Variants in TMPRSS15 observed in about 807,000 individuals in gnomAD.
The protein encoded by TMPRSS15 is enteropeptidase.
In TMPRSS15, 128 loss-of-function variants were observed where a neutral mutation model predicts 125.3. The ratio of observed to expected loss-of-function variants is 1.02; its 90% CI spans 0.89 to 1.18. The LOEUF (loss-of-function observed/expected upper bound fraction) is 1.18. TMPRSS15 is among the 50% of genes most tolerant of loss of function. The probability of loss-of-function intolerance (pLI) is 0.00; values close to 1 mark genes in which losing one functional copy is unlikely to be tolerated. For synonymous variants in TMPRSS15, 446 were observed against 423.2 expected, an observed-to-expected ratio of 1.05 and a Z score of -0.66; for missense variants, 1,283 against 1,212.7, an observed-to-expected ratio of 1.06 and a Z score of -0.86.
At chr21:18,313,444 TAAC>T (rs981707659) in intron 17 of TMPRSS15, among the ~76,000 whole-genome samples, 45 of 150,996 alleles carry the variant, frequency 3.0e-4, no homozygotes, top group Admixed American at 3.0e-3. Flanking sequence ...TTATATATAA[TAAC>T]ATCACATTGT....
intron 1 of TMPRSS15, among the ~76,000 whole-genome samples, chr21:18,435,856 T>A (rs2076226627): frequency 6.6e-6 from 1 of 152,198 alleles, no homozygotes; most frequent in Admixed American, 6.5e-5. Context: ...TGGTTTAGTC[T>A]TGGGAGAGTG....
intron 23 of TMPRSS15, among the ~76,000 whole-genome samples, chr21:18,276,755 CTTTTTTTTTT>C (rs372920414): frequency 8.2e-5 from 10 of 121,362 alleles, no homozygotes; most frequent in Non-Finnish European, 1.6e-4. Context: ...AACTGGGATT[CTTTTTTTTTT>C]TTTTTTTTTT....
chr21:18,455,813 G>C (rs1373022595), intron 1 of TMPRSS15, among the ~76,000 whole-genome samples: 2 of 152,146 alleles, frequency 1.3e-5, no homozygotes, highest in African/African-American at 4.8e-5. Flanking sequence ...GGGATAAAAA[G>C]TAATTGTAAC....
intron 16 of TMPRSS15, among the ~76,000 whole-genome samples, chr21:18,325,349 G>A (rs560591155): frequency 6.6e-6 from 1 of 152,112 alleles, no homozygotes; most frequent in African/African-American, 2.4e-5. Context: ...TTCTACCTAA[G>A]TAGCATGCAT....
intron 10 of TMPRSS15, among the ~76,000 whole-genome samples, chr21:18,345,512 C>A (rs566587617): frequency 2.0e-5 from 3 of 151,416 alleles, no homozygotes; most frequent in East Asian, 1.9e-4. Flanking sequence ...GAGGCCGAGG[C>A]GGGCGGATCA....
At chr21:18,440,145 C>T (rs957081640) in intron 1 of TMPRSS15, among the ~76,000 whole-genome samples, 18 of 151,728 alleles carry the variant, frequency 1.2e-4, no homozygotes, top group African/African-American at 4.1e-4. Flanking sequence ...GAGGCCGAGA[C>T]GGGCGGATCA....
intron 3 of TMPRSS15, among the ~76,000 whole-genome samples, chr21:18,384,319 T>C (rs1386678057): frequency 1.3e-5 from 2 of 152,274 alleles, no homozygotes; most frequent in Non-Finnish European, 2.9e-5. Context: ...TATCAAAATA[T>C]GCCCTGATTT....
chr21:18,335,970 T>G (rs969372933), intron 13 of TMPRSS15, among the ~76,000 whole-genome samples: 5 of 151,104 alleles, frequency 3.3e-5, no homozygotes, highest in Non-Finnish European at 5.9e-5. Context: ...AGCTGTTCTC[T>G]CAAACACTTG....
intron 13 of TMPRSS15, among the ~76,000 whole-genome samples, chr21:18,339,351 C>T (rs1408751749): frequency 6.6e-6 from 1 of 152,148 alleles, no homozygotes; most frequent in Admixed American, 6.5e-5. Context: ...AATGGTAGCT[C>T]ATTTGTTACA....
chr21:18,289,427 G>A (rs1028767064), intron 21 of TMPRSS15, among the ~76,000 whole-genome samples: 14 of 152,142 alleles, frequency 9.2e-5, no homozygotes, highest in African/African-American at 2.4e-4. Flanking sequence ...CAGGAAAATC[G>A]CTTGAACCCG....
At chr21:18,333,718 T>C (rs2075366142) in intron 13 of TMPRSS15, among the ~76,000 whole-genome samples, 1 of 152,076 alleles carries the variant, frequency 6.6e-6, no homozygotes, top group Non-Finnish European at 1.5e-5. Context: ...CGGGTAATGA[T>C]TAAGGCAAAT....
At chr21:18,354,502 A>C (rs2075604929) in intron 8 of TMPRSS15, among the ~76,000 whole-genome samples, 1 of 151,712 alleles carries the variant, frequency 6.6e-6, no homozygotes, top group Non-Finnish European at 1.5e-5. Flanking sequence ...TTACAAAATC[A>C]TTGTTACATA....
chr21:18,463,155 G>A (rs1978583635), intron 1 of TMPRSS15, among the ~76,000 whole-genome samples: 1 of 148,894 alleles, frequency 6.7e-6, no homozygotes, highest in African/African-American at 2.5e-5. Context: ...ACCCATCGGG[G>A]TGCTGTATTC....
At chr21:18,351,619 A>AT (rs1356635453) in intron 10 of TMPRSS15, among the ~76,000 whole-genome samples, 4 of 152,284 alleles carry the variant, frequency 2.6e-5, no homozygotes, top group Admixed American at 1.3e-4. Context: ...TGCCATGATT[A>AT]TAAGTGTCCT....
upstream of TMPRSS15, among the ~76,000 whole-genome samples, chr21:18,407,294 A>C (rs998352665): frequency 4.6e-5 from 7 of 152,158 alleles, no homozygotes; most frequent in Non-Finnish European, 1.0e-4. Flanking sequence ...ATGTGAGTTA[A>C]TATTCTGCAT....
intron 1 of TMPRSS15, among the ~76,000 whole-genome samples, chr21:18,483,448 T>C (rs1056435357): frequency 1.1e-4 from 16 of 151,840 alleles, no homozygotes; most frequent in Non-Finnish European, 2.1e-4. Flanking sequence ...TGCTACTCCA[T>C]GATATTTTTG....
chr21:18,334,835 G>T (rs1569015504), intron 13 of TMPRSS15, among the ~76,000 whole-genome samples: 1 of 152,068 alleles, frequency 6.6e-6, no homozygotes, highest in South Asian at 2.1e-4. Flanking sequence ...CCATAGGCAG[G>T]GTTTAAATTG....
intron 1 of TMPRSS15, among the ~76,000 whole-genome samples, chr21:18,474,047 T>C (rs1978829816): frequency 6.6e-6 from 1 of 152,254 alleles, no homozygotes; most frequent in South Asian, 2.1e-4. Context: ...CATTAAGTTA[T>C]TCAATGCTCC....
intron 18 of TMPRSS15, among the ~76,000 whole-genome samples, chr21:18,308,394 C>A (rs1051452320): frequency 1.3e-5 from 2 of 151,858 alleles, no homozygotes. Flanking sequence ...CACACACACA[C>A]ACACACACAC....
Sources: allele counts gnomAD v4.1 joint callset (sites outside exome capture counted in the v4.1 genomes callset), GRCh38; gene constraint gnomAD v4.1.1; transcripts MANE v1.5; gene names NCBI Gene and HGNC (gene_info 2026-07-23, HGNC 2026-07-21).